The following PARD3 variants were observed in gnomAD, a reference collection of about 807,000 sequenced individuals.
PARD3 encodes partitioning defective 3 homolog.
PARD3 carries 75 observed loss-of-function variants against 155.4 expected under a neutral mutation model. The observed-to-expected ratio is 0.48, with a 90% confidence interval of 0.40 to 0.58. The LOEUF (loss-of-function observed/expected upper bound fraction) is 0.58. Among genes scored for constraint, PARD3 ranks in the 20% least tolerant of loss-of-function variants. PARD3 has a pLI of 0.00. For missense variants in PARD3, 1,642 were observed against 1,721.7 expected (o/e 0.95, Z 0.82); for synonymous variants, 576 against 610.5 (o/e 0.94, Z 0.83).
At chr10:34,814,578 G>A (rs1454854021) in intron 1 of PARD3, among the ~76,000 whole-genome samples, 4 of 151,992 alleles carry the variant, frequency 2.6e-5, no homozygotes, top group Non-Finnish European at 4.4e-5. Flanking sequence ...GGCGCCCAGG[G>A]CCGGCCTATG....
intron 2 of PARD3, among the ~76,000 whole-genome samples, chr10:34,549,876 G>A (rs2084400089): frequency 6.6e-6 from 1 of 151,928 alleles, no homozygotes. Context: ...AGGTTCTGAT[G>A]ACAGCACAAG....
intron 7 of PARD3, among the ~76,000 whole-genome samples, chr10:34,394,203 T>G (rs1160668217): frequency 6.6e-6 from 1 of 152,102 alleles, no homozygotes; most frequent in African/African-American, 2.4e-5. Context: ...TGTTTGTATT[T>G]TTAGTATACA....
At chr10:34,599,377 A>G (rs2089575128) in intron 2 of PARD3, among the ~76,000 whole-genome samples, 1 of 152,222 alleles carries the variant, frequency 6.6e-6, no homozygotes, top group Admixed American at 6.5e-5. Flanking sequence ...AGCTTTAAAT[A>G]CAGACATAAA....
intron 22 of PARD3, among the ~76,000 whole-genome samples, chr10:34,220,305 G>A (rs1588822319): frequency 6.6e-6 from 1 of 152,036 alleles, no homozygotes; most frequent in South Asian, 2.1e-4. Flanking sequence ...AAAATATGAA[G>A]CTTCTGATAG....
intron 1 of PARD3, among the ~76,000 whole-genome samples, chr10:34,787,510 A>G (rs1841120544): frequency 2.0e-5 from 3 of 152,200 alleles, no homozygotes; most frequent in Admixed American, 1.3e-4. Context: ...GGAAAATGCT[A>G]AGGGCAGATG....
intron 3 of PARD3, among the ~76,000 whole-genome samples, chr10:34,513,731 T>C (rs932645008): frequency 6.6e-6 from 1 of 152,258 alleles, no homozygotes; most frequent in Admixed American, 6.5e-5. Context: ...ACTGCTATTT[T>C]GACTATACAA....
chr10:34,351,878 A>C (rs1009105756), intron 14 of PARD3, among the ~76,000 whole-genome samples: 3 of 152,228 alleles, frequency 2.0e-5, no homozygotes, highest in Non-Finnish European at 4.4e-5. Flanking sequence ...AAATCATTTG[A>C]CCTCTTTGCA....
At chr10:34,758,463 A>G (rs1217243776) in intron 1 of PARD3, among the ~76,000 whole-genome samples, 1 of 152,214 alleles carries the variant, frequency 6.6e-6, no homozygotes, top group Non-Finnish European at 1.5e-5. Flanking sequence ...AACCATCTGC[A>G]GAAGAGCAGC....
chr10:34,510,661 C>T (rs894196820), intron 3 of PARD3, among the ~76,000 whole-genome samples: 1 of 151,940 alleles, frequency 6.6e-6, no homozygotes. Flanking sequence ...CTTCAAACTA[C>T]TAAGAAGTGC....
At position 34,328,459 on chromosome 10, in the gene PARD3, T is replaced by C. The variant is rs567292095; in HGVS notation, c.2833+2658A>G. ...TCTAAACCATCTAAGCCAGAACTTTTACAACTTTTTCCTAAATACTCAAAA... is the reference window on the plus strand; with the variant it reads ...TCTAAACCATCTAAGCCAGAACTTTCACAACTTTTTCCTAAATACTCAAAA... On this transcript the variant is annotated intron_variant, in intron 19 of 24. Coordinates refer to ENST00000374788, the MANE Select transcript of PARD3 (RefSeq NM_001184785.2). 6.6e-5 allele frequency among the ~76,000 whole-genome samples: 10 copies of C among 152,270 alleles called. No individual in the cohort carries two copies. The South Asian group carries it at 8.3e-4, about 13-fold the overall frequency.
At chr10:34,361,610 C>T (rs1387061231) in intron 12 of PARD3, among the ~76,000 whole-genome samples, 1 of 152,132 alleles carries the variant, frequency 6.6e-6, no homozygotes, top group Non-Finnish European at 1.5e-5. Context: ...AGATAAAATA[C>T]ATTTTGAGAG....
At chr10:34,175,037 G>GT (rs1427439546) in intron 22 of PARD3, among the ~76,000 whole-genome samples, 2 of 151,718 alleles carry the variant, frequency 1.3e-5, no homozygotes, top group Non-Finnish European at 2.9e-5. Flanking sequence ...GGAGTTCCTC[G>GT]TATCTAGAAT....
intron 2 of PARD3, among the ~76,000 whole-genome samples, chr10:34,680,365 C>G (rs2093788012): frequency 6.6e-6 from 1 of 151,942 alleles, no homozygotes; most frequent in Non-Finnish European, 1.5e-5. Flanking sequence ...TCGAGACCAG[C>G]CTGGAACACA....
chr10:34,607,902 A>C (rs1165907417), intron 2 of PARD3, among the ~76,000 whole-genome samples: 1 of 152,174 alleles, frequency 6.6e-6, no homozygotes, highest in Non-Finnish European at 1.5e-5. Flanking sequence ...ATCAGCACAG[A>C]TCTCCCATTT....
At chr10:34,779,969 A>C (rs1305790312) in intron 1 of PARD3, among the ~76,000 whole-genome samples, 2 of 152,212 alleles carry the variant, frequency 1.3e-5, no homozygotes, top group Non-Finnish European at 2.9e-5. Context: ...AAACAATGAC[A>C]GTAATGCCAC....
At chr10:34,182,000 T>C (rs1564461360) in intron 22 of PARD3, among the ~76,000 whole-genome samples, 1 of 152,204 alleles carries the variant, frequency 6.6e-6, no homozygotes, top group East Asian at 1.9e-4. Flanking sequence ...TAAGAATTTG[T>C]TGAATTTACT....
intron 21 of PARD3, among the ~76,000 whole-genome samples, chr10:34,278,676 A>T (rs1486704201): frequency 6.6e-6 from 1 of 152,102 alleles, no homozygotes. Context: ...TTTGCTTCCC[A>T]TTCTGCCATG....
chr10:34,262,643 T>C (rs1162554249), intron 22 of PARD3, among the ~76,000 whole-genome samples: 1 of 152,206 alleles, frequency 6.6e-6, no homozygotes, highest in African/African-American at 2.4e-5. Flanking sequence ...AATGCCAACA[T>C]TTTAGACAAG....
At chr10:34,206,949 T>C (rs987190471) in intron 22 of PARD3, among the ~76,000 whole-genome samples, 1 of 152,152 alleles carries the variant, frequency 6.6e-6, no homozygotes, top group Non-Finnish European at 1.5e-5. Context: ...GTATCACCTA[T>C]AATTTCACAG....
Sources: allele counts gnomAD v4.1 joint callset (sites outside exome capture counted in the v4.1 genomes callset), GRCh38; gene constraint gnomAD v4.1.1; transcripts MANE v1.5; gene names NCBI Gene and HGNC (gene_info 2026-07-23, HGNC 2026-07-21).